Variants in GBA2 observed in about 807,000 individuals in gnomAD.
GBA2 encodes the protein non-lysosomal glucosylceramidase.
Under a neutral mutation model 112.9 loss-of-function variants are expected in GBA2, and 79 were observed. The ratio of observed to expected loss-of-function variants is 0.70; its 90% CI spans 0.58 to 0.84. The LOEUF (loss-of-function observed/expected upper bound fraction) is 0.84, where lower values mean the gene tolerates loss of function less well. Among genes scored for constraint, GBA2 ranks in the 40% least tolerant of loss-of-function variants. The pLI is 0.00. For missense variants in GBA2, 1,043 were observed against 1,190.0 expected, an observed-to-expected ratio of 0.88 and a Z score of 1.82; for synonymous variants, 403 against 434.3, an observed-to-expected ratio of 0.93 and a Z score of 0.90.
chr9:35,743,719 G>T (rs1466138762), intron 3 of GBA2, among the ~76,000 whole-genome samples: 1 of 152,214 alleles, frequency 6.6e-6, no homozygotes, highest in Non-Finnish European at 1.5e-5. Flanking sequence ...AGGCCCAGAT[G>T]TGATGCAGGA....
intron 1 of GBA2, among the ~76,000 whole-genome samples, chr9:35,745,965 T>C (rs1826950635): frequency 6.6e-6 from 1 of 152,220 alleles, no homozygotes; most frequent in Non-Finnish European, 1.5e-5. Context: ...AATGAAATGG[T>C]TGAAAGATCA....
Position 35,739,721 on chromosome 9 carries a change from C to A in GBA2, c.1489G>T (p.Val497Phe). 2 of 1,614,006 alleles carry A rather than the reference C, an allele frequency of 1.2e-6. No individual in the cohort carries two copies. The highest frequency in any genetic ancestry group is 1.7e-6 in the Non-Finnish European group (2 of 1,179,860). Residue 497 changes from valine (V) to phenylalanine (F), a missense_variant, in exon 9 of 17, where the codon GTT (valine) becomes TTT (phenylalanine). Transcript: ENST00000378103. ...LADGGTVWLE[V>F]LEDSLPEELG... ...TCCTCTGGTAGGGAGTCCTCAAGAA[C>A]TTCCAGCCACACTGTGCCTCCATCA...
At chr9:35,738,420 G>C in intron 13 of GBA2, 46 bp from the exon 14 acceptor site, 1 of 1,605,086 alleles carries the variant, frequency 6.2e-7, no homozygotes, top group Non-Finnish European at 8.5e-7. Context: ...AGCTCCAGCT[G>C]CTCCCATGCC....
In GBA2 at chr9:35,748,899, G is replaced by T; in HGVS notation, c.-195C>A. 1.9e-6 allele frequency: 1 copy of T among 514,540 alleles called. No homozygotes were observed. The highest frequency in any genetic ancestry group is 3.2e-5 in the South Asian group (1 of 30,946). The allele number at this position is 514,540 out of a possible 1,614,324, so 31.9% of individuals were successfully genotyped here. On this transcript the variant is annotated 5_prime_UTR_variant, in exon 1 of 17. Transcript: ENST00000378103. ...GCGGCGACAGCAAAGAAGCCGCCTT[G>T]GGCTCTCCTTCGGTTGTCTCTGTAG...
rs1451500934 is a variant in GBA2, at chr9:35,739,094, C to T, written c.1703G>A (p.Arg568Lys). 3 of 1,592,510 alleles carry T rather than the reference C, an allele frequency of 1.9e-6. No individual in the cohort carries two copies. The highest frequency in any genetic ancestry group is 2.6e-6 in the Non-Finnish European group (3 of 1,172,690). Residue 568 changes from arginine (R) to lysine (K), a missense_variant, in exon 11 of 17, where the codon AGG becomes AAG. By Grantham distance (26) the Arg-to-Lys change is conservative (BLOSUM62 2). Transcript: ENST00000378103. ...GTACCGTCGCCGTGTCAGGTCCTCC[C>T]TGAGAGTGGCCAGAGCTGGGGGAGA... is the stretch of plus-strand genomic sequence containing the variant. The part of the protein sequence containing the change: ...LQYDMALATL[R>K]EDLTRRRYLM...
Position 35,738,028 on chromosome 9 carries a change from C to T in GBA2, c.2313+9G>A, listed in dbSNP as rs1305803427. Reference sequence around the variant, plus strand: ...TTTTTCTCTCTGGCTGCTCCTCCTCCTCTCTCACCTCAGTGTCTCCTTCTC... The same window carrying T: ...TTTTTCTCTCTGGCTGCTCCTCCTCTTCTCTCACCTCAGTGTCTCCTTCTC... On this transcript the variant is annotated intron_variant, in intron 15 of 16. Transcript: ENST00000378103. 1.1e-5 allele frequency: 18 copies of T among 1,598,008 alleles called. No homozygotes were observed. Among genetic ancestry groups the T allele is most frequent in the Non-Finnish European group, 1.5e-5 (17 of 1,169,114 alleles).
At position 35,748,633 on chromosome 9, in the gene GBA2, C is replaced by T. The variant is rs1400671738; in HGVS notation, c.72G>A (p.Glu24=). Residue 24 remains glutamate (E), a synonymous_variant, in exon 1 of 17, where the codon GAG becomes GAA. Transcript: ENST00000378103. The stretch of plus-strand genomic sequence containing the variant: ...CTTCAGGGCAATAAACTTGTGGATC[C>T]TCTTTGGCACAGCTTATCTGCTCCG... ...PASEQISCAK[E]DPQVYCPEET... The T allele has an allele frequency of 6.2e-7, 1 of 1,612,636 alleles. No homozygotes were observed. The highest frequency in any genetic ancestry group is 1.7e-5 in the Admixed American group (1 of 59,948).
Position 35,737,437 on chromosome 9 carries a change from C to T in GBA2, c.2516G>A (p.Trp839Ter). 1 of 1,613,838 alleles carries T rather than the reference C, an allele frequency of 6.2e-7. No individual in the cohort carries two copies. The highest frequency in any genetic ancestry group is 8.5e-7 in the Non-Finnish European group (1 of 1,179,840). The change falls in exon 17 of 17, where the codon TGG (tryptophan) becomes TAG (stop). Residue 839 changes from tryptophan to a stop codon, truncating the protein, a stop_gained. Transcript: ENST00000378103. LOFTEE classifies it high-confidence loss of function. This position sits in a 1 kb window ranked among gnomAD's most constrained non-coding sequence, Gnocchi z 4.1. The part of the protein sequence containing the change: ...AATMIQEGLT[W>*]EGFQTAEGCY... ...GCCTTCAGCTGTCTGGAAGCCCTCC[C>T]AAGTCAGGCCCTGTTGGGAGAGATG... is the stretch of plus-strand genomic sequence containing the variant.
chr9:35,739,202 C>T (rs1826472469), intron 10 of GBA2, 93 bp from the exon 11 acceptor site: 1 of 1,021,746 alleles, frequency 9.8e-7, no homozygotes, highest in Non-Finnish European at 1.5e-6. Flanking sequence ...AACCAGTAAG[C>T]AGCATGCAGA....
intron 3 of GBA2, among the ~76,000 whole-genome samples, chr9:35,743,098 A>T (rs1238394714): frequency 6.6e-6 from 1 of 152,262 alleles, no homozygotes; most frequent in African/African-American, 2.4e-5. Context: ...AGCCATTTCA[A>T]ATCAAAGACT....
At position 35,737,059 on chromosome 9, in the gene GBA2, G is replaced by A; in HGVS notation, c.*110C>T. 1 of 1,489,688 alleles carries A rather than the reference G, an allele frequency of 6.7e-7. No individual in the cohort carries two copies. The highest frequency in any genetic ancestry group is 8.9e-7 in the Non-Finnish European group (1 of 1,121,180). The allele number at this position is 1,489,688 out of a possible 1,614,324, so 92.3% of individuals were successfully genotyped here. On this transcript the variant is annotated 3_prime_UTR_variant, in exon 17 of 17. Coordinates refer to ENST00000378103, the MANE Select transcript of GBA2 (RefSeq NM_020944.3). This position sits in a 1 kb window ranked among gnomAD's most constrained non-coding sequence, Gnocchi z 4.1. The stretch of plus-strand genomic sequence containing the variant: ...GCACAATTGGGTGGAGAGAAGGGAA[G>A]GGGTATGATTGTCCTGATGGCTCAG...
In GBA2 at chr9:35,737,399, C is replaced by T. The variant is rs758931760; in HGVS notation, c.2554G>A (p.Val852Met). 1.3e-5 allele frequency: 21 copies of T among 1,614,044 alleles called. No homozygotes were observed. Among genetic ancestry groups the T allele is most frequent in the East Asian group, 2.2e-5 (1 of 44,898 alleles). ...AAGGCCAGACCCAGGCGCTCCCACA[C>T]GGTACGGTAGCAGCCTTCAGCTGTC... ...FQTAEGCYRTVWERLGLAFQT... is the reference protein window; with the variant it reads ...FQTAEGCYRTMWERLGLAFQT... Residue 852 changes from valine (V) to methionine (M), a missense_variant, in exon 17 of 17, where the codon GTG (valine) becomes ATG (methionine). Physicochemically the swap from Val to Met is conservative, Grantham distance 21. Coordinates refer to ENST00000378103, the MANE Select transcript of GBA2 (RefSeq NM_020944.3). This position sits in a 1 kb window ranked among gnomAD's most constrained non-coding sequence, Gnocchi z 4.1.
In GBA2 at chr9:35,740,490, C is replaced by G. The variant is rs770906207; in HGVS notation, c.1129+36G>C. On this transcript the variant is annotated intron_variant, in intron 6 of 16. Coordinates refer to ENST00000378103, the MANE Select transcript of GBA2 (RefSeq NM_020944.3). This position sits in a 1 kb window ranked among gnomAD's most constrained non-coding sequence, Gnocchi z 4.7. ...CCTGGTCCCAAGACAGGGACAACCT[C>G]TCTTCCCACCATCTCCCAGTCAGAC... The G allele has an allele frequency of 3.2e-6, 5 of 1,575,130 alleles. No homozygotes were observed. The South Asian group carries it at 5.6e-5, about 17-fold the overall frequency.
At position 35,738,032 on chromosome 9, in the gene GBA2, C is replaced by T. The variant is rs1826346250; in HGVS notation, c.2313+5G>A. 6.2e-7 allele frequency: 1 copy of T among 1,601,844 alleles called. No individual in the cohort carries two copies. The highest frequency in any genetic ancestry group is 1.1e-5 in the South Asian group (1 of 90,436). The stretch of plus-strand genomic sequence containing the variant: ...TCTCTCTGGCTGCTCCTCCTCCTCT[C>T]TCACCTCAGTGTCTCCTTCTCCTAG... On this transcript the variant is annotated splice_donor_5th_base_variant and intron_variant, in intron 15 of 16. Transcript: ENST00000378103.
At position 35,741,590 on chromosome 9, in the gene GBA2, G is replaced by A. The variant is rs1588017300; in HGVS notation, c.786+82C>T. 1.5e-5 allele frequency: 14 copies of A among 930,710 alleles called. No individual in the cohort carries two copies. Among genetic ancestry groups the A allele is most frequent in the East Asian group, 4.8e-5 (2 of 41,662 alleles). 57.7% of individuals were successfully genotyped at this position (930,710 alleles called of 1,614,324 possible). The stretch of plus-strand genomic sequence containing the variant: ...TGGGATTACAGGCGTGAGCTACCGC[G>A]CCTCGCAGGCCATGCAGTTTCTAGC... On this transcript the variant is annotated intron_variant, in intron 4 of 16. Coordinates refer to ENST00000378103, the MANE Select transcript of GBA2 (RefSeq NM_020944.3). The surrounding 1 kb of genome is among the most constrained non-coding windows in gnomAD (Gnocchi z 4.6).
rs1344704674 is a variant in GBA2, at chr9:35,739,937, C to T, written c.1409+61G>A. The T allele has an allele frequency of 1.2e-5, 19 of 1,595,418 alleles. No individual in the cohort carries two copies. The East Asian group carries it at 2.5e-4, about 21-fold the overall frequency. On this transcript the variant is annotated intron_variant, in intron 8 of 16. Coordinates refer to ENST00000378103, the MANE Select transcript of GBA2 (RefSeq NM_020944.3). ...TGACTTTGGTGGGTGGAGAGTAAAT[C>T]GAGGAGTCCCATTTGGAGTGAGTGC...
In GBA2 at chr9:35,739,631, C is replaced by T. The variant is rs1316126026; in HGVS notation, c.1579G>A (p.Glu527Lys). The change falls in exon 9 of 17, where the codon GAG becomes AAG. Residue 527 changes from glutamate (E) to lysine (K), a missense_variant. Coordinates refer to ENST00000378103, the MANE Select transcript of GBA2 (RefSeq NM_020944.3). ...CCAGCCCACCAGCATCCTGTACCCT[C>T]AAGGTAGCCAAATCGACCGTAGTCC... Reference protein sequence around the residue: ...LRDYGRFGYLEGQEYRMYNTY... With the variant: ...LRDYGRFGYLKGQEYRMYNTY... The T allele has an allele frequency of 6.2e-7, 1 of 1,613,568 alleles. No individual in the cohort carries two copies. The highest frequency in any genetic ancestry group is 2.2e-5 in the East Asian group (1 of 44,872).
At chr9:35,744,182 C>T (rs947033141) in intron 3 of GBA2, 115 bp downstream of exon 3, 3 of 695,928 alleles carry the variant, frequency 4.3e-6, no homozygotes, top group Non-Finnish European at 2.6e-6. Context: ...CCCGAGAGTA[C>T]TTATTAGATT....
chr9:35,737,532 CT>C lies in GBA2; in HGVS notation c.2506-86del. ...ACTGGATAGATGGAGGCAGTAGAGTCTTTGCCTTCAAGGAGCTCCCAGCAAG... is the reference window on the plus strand; with the variant it reads ...ACTGGATAGATGGAGGCAGTAGAGTCTTGCCTTCAAGGAGCTCCCAGCAAG... On this transcript the variant is annotated intron_variant, in intron 16 of 16. Coordinates refer to ENST00000378103, the MANE Select transcript of GBA2 (RefSeq NM_020944.3). This position sits in a 1 kb window ranked among gnomAD's most constrained non-coding sequence, Gnocchi z 4.1. 1.3e-6 allele frequency: 2 copies of C among 1,564,032 alleles called. No homozygotes were observed. The highest frequency in any genetic ancestry group is 1.7e-6 in the Non-Finnish European group (2 of 1,152,790).
Sources: allele counts gnomAD v4.1 joint callset (sites outside exome capture counted in the v4.1 genomes callset), GRCh38; gene constraint gnomAD v4.1.1; non-coding constraint Gnocchi (gnomAD v3.1); transcripts MANE v1.5; gene names NCBI Gene and HGNC (gene_info 2026-07-23, HGNC 2026-07-21).